PTPRD: variants seen among roughly 807,000 people sequenced by gnomAD.
PTPRD encodes the protein receptor-type tyrosine-protein phosphatase delta.
PTPRD carries 34 observed loss-of-function variants against 214.5 expected under a neutral mutation model. The observed-to-expected ratio is 0.16, with a 90% CI of 0.12 to 0.21. The LOEUF is 0.21. PTPRD is among the 10% of genes least tolerant of loss of function. PTPRD has a pLI of 1.00. For synonymous variants in PTPRD, 1,128 were observed against 845.7 expected (o/e 1.33, Z -5.79); for missense variants, 2,545 against 2,398.7 (o/e 1.06, Z -1.27).
chr9:8,834,784 A>G (rs1230978517), intron 11 of PTPRD, among the ~76,000 whole-genome samples: 1 of 152,212 alleles, frequency 6.6e-6, no homozygotes, highest in Non-Finnish European at 1.5e-5. Context: ...GATTTGTAAC[A>G]AACACCCCAA....
chr9:10,230,453 T>TATCTATCTATCC (rs1268837134), intron 3 of PTPRD, among the ~76,000 whole-genome samples: 38 of 151,360 alleles, frequency 2.5e-4, no homozygotes, highest in African/African-American at 7.5e-4. Context: ...TCTATCTATC[T>TATCTATCTATCC]ATCTATCTAT....
At chr9:9,043,740 C>G (rs912895660) in intron 10 of PTPRD, among the ~76,000 whole-genome samples, 1 of 151,764 alleles carries the variant, frequency 6.6e-6, no homozygotes, top group Non-Finnish European at 1.5e-5. Context: ...CCTGACTCTA[C>G]TAAGAATTCA....
At chr9:9,260,721 A>G (rs2099979740) in intron 9 of PTPRD, among the ~76,000 whole-genome samples, 1 of 151,880 alleles carries the variant, frequency 6.6e-6, no homozygotes, top group Admixed American at 6.6e-5. Context: ...AACTTCAATT[A>G]ATAGAATAGA....
intron 4 of PTPRD, among the ~76,000 whole-genome samples, chr9:9,965,083 T>C (rs914882674): frequency 6.6e-6 from 1 of 152,100 alleles, no homozygotes; most frequent in Non-Finnish European, 1.5e-5. Flanking sequence ...CAAATGAGGA[T>C]GCACAAACAC....
At chr9:9,971,244 A>G (rs2095081972) in intron 4 of PTPRD, among the ~76,000 whole-genome samples, 1 of 152,152 alleles carries the variant, frequency 6.6e-6, no homozygotes, top group Non-Finnish European at 1.5e-5. Flanking sequence ...CTTCAGTCTG[A>G]GTGGTTATCA....
chr9:8,957,095 T>A (rs955052433), intron 11 of PTPRD, among the ~76,000 whole-genome samples: 4 of 151,930 alleles, frequency 2.6e-5, no homozygotes, highest in African/African-American at 9.7e-5. Context: ...ACATCAGTAG[T>A]CAAATCCTTT....
intron 34 of PTPRD, among the ~76,000 whole-genome samples, chr9:8,440,267 A>T (rs183224227): frequency 2.9e-3 from 446 of 152,084 alleles, no homozygotes; most frequent in Non-Finnish European, 3.5e-3. Context: ...AGGGCTTGCC[A>T]GTGTCATGAC....
chr9:9,365,342 T>A (rs2139344170), intron 9 of PTPRD, among the ~76,000 whole-genome samples: 1 of 151,692 alleles, frequency 6.6e-6, no homozygotes, highest in Non-Finnish European at 1.5e-5. Flanking sequence ...CACATATAGT[T>A]GGTATTAGCC....
At chr9:9,564,371 CA>C (rs767396163) in intron 8 of PTPRD, among the ~76,000 whole-genome samples, 6 of 152,056 alleles carry the variant, frequency 3.9e-5, no homozygotes, top group Non-Finnish European at 8.8e-5. Context: ...CCTTTAGAAA[CA>C]AGTTAACTCA....
At chr9:9,142,975 C>G (rs1419752710) in intron 10 of PTPRD, among the ~76,000 whole-genome samples, 1 of 152,040 alleles carries the variant, frequency 6.6e-6, no homozygotes, top group Admixed American at 6.6e-5. Context: ...CTACCTGTAC[C>G]CCTCAGAGGA....
intron 2 of PTPRD, among the ~76,000 whole-genome samples, chr9:10,353,507 C>T (rs1186925681): frequency 2.0e-5 from 3 of 151,836 alleles, no homozygotes; most frequent in South Asian, 2.1e-4. Context: ...ACATTTCTTA[C>T]CACTCCTGCC....
At chr9:10,606,674 C>G (rs1173950138) in intron 2 of PTPRD, among the ~76,000 whole-genome samples, 2 of 151,574 alleles carry the variant, frequency 1.3e-5, no homozygotes, top group African/African-American at 4.8e-5. Flanking sequence ...ACTATTTAAC[C>G]AGACAAGGGA....
At chr9:10,469,638 C>A (rs2099017119) in intron 2 of PTPRD, among the ~76,000 whole-genome samples, 1 of 152,008 alleles carries the variant, frequency 6.6e-6, no homozygotes, top group African/African-American at 2.4e-5. Flanking sequence ...TACTATATGA[C>A]CAAGCCATTC....
chr9:10,512,146 G>C (rs528069418), intron 2 of PTPRD, among the ~76,000 whole-genome samples: 2 of 145,968 alleles, frequency 1.4e-5, no homozygotes, highest in Non-Finnish European at 1.5e-5. Context: ...AGATGGCATG[G>C]TAATAAGAAG....
intron 3 of PTPRD, among the ~76,000 whole-genome samples, chr9:10,060,579 A>C (rs1240519255): frequency 2.6e-5 from 4 of 152,030 alleles, no homozygotes; most frequent in East Asian, 1.9e-4. Context: ...TTTAATGTAC[A>C]TAAAAGGGAA....
chr9:8,804,467 G>A (rs1377811838), intron 11 of PTPRD, among the ~76,000 whole-genome samples: 1 of 151,940 alleles, frequency 6.6e-6, no homozygotes, highest in East Asian at 1.9e-4. Flanking sequence ...GCATGGTGGT[G>A]CATGCCTGTG....
At chr9:9,646,477 T>C (rs2096181321) in intron 7 of PTPRD, among the ~76,000 whole-genome samples, 1 of 152,136 alleles carries the variant, frequency 6.6e-6, no homozygotes, top group African/African-American at 2.4e-5. Flanking sequence ...CTCTGTCTAC[T>C]ATTAAGTTTT....
chr9:9,320,376 A>C (rs1041654283), intron 9 of PTPRD, among the ~76,000 whole-genome samples: 2 of 152,212 alleles, frequency 1.3e-5, no homozygotes, highest in African/African-American at 4.8e-5. Context: ...ACTGGGCATG[A>C]AACTTATACA....
intron 12 of PTPRD, among the ~76,000 whole-genome samples, chr9:8,668,774 A>T (rs544104410): frequency 6.6e-6 from 1 of 152,320 alleles, no homozygotes; most frequent in South Asian, 2.1e-4. Context: ...GAATTCCAAG[A>T]GGGATTTTCT....
Sources: allele counts gnomAD v4.1 joint callset (sites outside exome capture counted in the v4.1 genomes callset), GRCh38; gene constraint gnomAD v4.1.1; transcripts MANE v1.5; gene names NCBI Gene and HGNC (gene_info 2026-07-23, HGNC 2026-07-21).